Variants in GREM2 observed in about 807,000 individuals in gnomAD.
GREM2 encodes the protein gremlin-2.
Under a neutral mutation model 14.2 loss-of-function variants are expected in GREM2, and 11 were observed. That is an observed-to-expected ratio of 0.78 (90% CI 0.49 to 1.28). GREM2 has a LOEUF of 1.28. Among genes scored for constraint, GREM2 ranks in the 50% most tolerant of loss-of-function variants. The pLI is 0.00. For missense variants in GREM2, 210 were observed against 218.5 expected, an observed-to-expected ratio of 0.96 and a Z score of 0.24; for synonymous variants, 98 against 97.6, an observed-to-expected ratio of 1.00 and a Z score of -0.02.
At chr1:240,549,112 G>C (rs911741575) in intron 1 of GREM2, among the ~76,000 whole-genome samples, 2 of 152,114 alleles carry the variant, frequency 1.3e-5, no homozygotes, top group African/African-American at 4.8e-5. Flanking sequence ...AAGGCGGGTG[G>C]ATCACCTGAG....
At chr1:240,504,724 A>C (rs1030673690) in intron 1 of GREM2, among the ~76,000 whole-genome samples, 1 of 152,228 alleles carries the variant, frequency 6.6e-6, no homozygotes, top group African/African-American at 2.4e-5. Context: ...TCTTTAAACC[A>C]AAATTAAAGG....
At chr1:240,533,406 T>C (rs1313040526) in intron 1 of GREM2, among the ~76,000 whole-genome samples, 1 of 152,200 alleles carries the variant, frequency 6.6e-6, no homozygotes, top group East Asian at 1.9e-4. Context: ...GATAAATACT[T>C]GGAGCTGAAT....
At position 240,604,774 on chromosome 1, in the gene GREM2, A is replaced by G. The variant is rs889939575; in HGVS notation, c.-2+7110T>C. On this transcript the variant is annotated intron_variant, in intron 1 of 1. Transcript: ENST00000318160. ...CGAGTTCGGGACCAGCTTGGCAAAC[A>G]TGGTGAGACCCATCTCTTTGTAAAA... Among the ~76,000 whole-genome samples the G allele has an allele frequency of 3.3e-5, 5 of 152,328 alleles. No homozygotes were observed. In the South Asian group the frequency reaches 1.0e-3, roughly 32 times the overall value.
At chr1:240,514,175 A>G (rs1187357126) in intron 1 of GREM2, among the ~76,000 whole-genome samples, 1 of 136,598 alleles carries the variant, frequency 7.3e-6, no homozygotes, top group Non-Finnish European at 1.5e-5. Flanking sequence ...TGAACCCAGG[A>G]GGTGGAGGTT....
chr1:240,592,167 A>G (rs1218785918), intron 1 of GREM2, among the ~76,000 whole-genome samples: 1 of 152,208 alleles, frequency 6.6e-6, no homozygotes, highest in East Asian at 1.9e-4. Flanking sequence ...ACTACTTCTA[A>G]AATTTAATTT....
At chr1:240,593,905 T>C (rs1306878758) in intron 1 of GREM2, among the ~76,000 whole-genome samples, 1 of 151,920 alleles carries the variant, frequency 6.6e-6, no homozygotes, top group Non-Finnish European at 1.5e-5. Context: ...CCTCTTTCAA[T>C]TTGAAAAGTA....
At chr1:240,498,056 C>T (rs1677471836) in intron 1 of GREM2, among the ~76,000 whole-genome samples, 1 of 152,124 alleles carries the variant, frequency 6.6e-6, no homozygotes, top group Admixed American at 6.5e-5. Flanking sequence ...GCACGCTTTC[C>T]TTCAACAGGT....
intron 1 of GREM2, among the ~76,000 whole-genome samples, chr1:240,598,934 C>CCCAG (rs1331716422): frequency 1.6e-4 from 25 of 151,608 alleles, no homozygotes; most frequent in African/African-American, 5.6e-4. Flanking sequence ...CACTTACCCA[C>CCCAG]CCATCCATCC....
At chr1:240,521,597 A>C (rs2103303804) in intron 1 of GREM2, among the ~76,000 whole-genome samples, 1 of 152,168 alleles carries the variant, frequency 6.6e-6, no homozygotes, top group Admixed American at 6.5e-5. Flanking sequence ...ACAAAGAAAC[A>C]GGAAATGGCA....
chr1:240,511,693 C>T (rs1259703999), intron 1 of GREM2, among the ~76,000 whole-genome samples: 3 of 152,028 alleles, frequency 2.0e-5, no homozygotes, highest in East Asian at 1.9e-4. Context: ...GTGGAGTTTG[C>T]GGTAAGCCGA....
chr1:240,555,080 G>A (rs935906289), intron 1 of GREM2, among the ~76,000 whole-genome samples: 18 of 152,032 alleles, frequency 1.2e-4, no homozygotes, highest in African/African-American at 4.4e-4. Flanking sequence ...GGGAGGCATG[G>A]GTTGCAGTGA....
At chr1:240,512,468 C>T (rs1344076239) in intron 1 of GREM2, among the ~76,000 whole-genome samples, 1 of 152,236 alleles carries the variant, frequency 6.6e-6, no homozygotes, top group African/African-American at 2.4e-5. Context: ...AAGGCTCTTT[C>T]CTTCTTTTCA....
rs149966125 is a variant in GREM2 at position 240,601,349 on chromosome 1, G to C, written c.-2+10535C>G. On this transcript the variant is annotated intron_variant, in intron 1 of 1. Transcript: ENST00000318160. ...CCAAACCAATGGTACACATCCCTCT[G>C]TTTGACTACCCACCCAACATAACCT... Among the ~76,000 whole-genome samples the C allele has an allele frequency of 3.0e-3, 456 of 152,274 alleles. 3 individuals carry two copies. Among genetic ancestry groups the C allele is most frequent in the Admixed American group, 5.2e-3 (79 of 15,294 alleles).
chr1:240,551,531 TAG>T (rs1386587565), intron 1 of GREM2, among the ~76,000 whole-genome samples: 1 of 152,118 alleles, frequency 6.6e-6, no homozygotes, highest in African/African-American at 2.4e-5. Context: ...GTATTTGTAG[TAG>T]AGACGGGGTT....
intron 1 of GREM2, among the ~76,000 whole-genome samples, chr1:240,525,565 G>A (rs1223342297): frequency 2.0e-5 from 3 of 151,802 alleles, no homozygotes; most frequent in Admixed American, 1.3e-4. Flanking sequence ...TGCAACCTCC[G>A]CCTCCCGGGT....
intron 1 of GREM2, among the ~76,000 whole-genome samples, chr1:240,513,429 G>A (rs1324640147): frequency 2.0e-5 from 3 of 152,026 alleles, no homozygotes; most frequent in Non-Finnish European, 4.4e-5. Context: ...ATACAAATTA[G>A]CTGGGCGTGG....
At chr1:240,552,613 T>G (rs1440543922) in intron 1 of GREM2, among the ~76,000 whole-genome samples, 1 of 152,138 alleles carries the variant, frequency 6.6e-6, no homozygotes, top group Non-Finnish European at 1.5e-5. Flanking sequence ...GAAAGGCAGT[T>G]TTTGCTGGAG....
intron 1 of GREM2, among the ~76,000 whole-genome samples, chr1:240,562,850 A>G (rs533162531): frequency 2.8e-5 from 4 of 143,718 alleles, no homozygotes; most frequent in East Asian, 4.1e-4. Flanking sequence ...ATGAGTGTGT[A>G]TGTGTGTATG....
At chr1:240,499,388 GT>G (rs1437713388) in intron 1 of GREM2, among the ~76,000 whole-genome samples, 2 of 152,204 alleles carry the variant, frequency 1.3e-5, no homozygotes, top group Non-Finnish European at 2.9e-5. Context: ...TTCTTGGAAA[GT>G]TGAAGGGAAG....
Sources: gnomAD v4.1 joint callset for allele counts (sites outside exome capture counted in the v4.1 genomes callset) on GRCh38, gnomAD v4.1.1 for gene constraint, MANE v1.5 for transcripts, NCBI Gene and HGNC (gene_info 2026-07-23, HGNC 2026-07-21) for gene names.